Variants in FRY observed in about 807,000 individuals in gnomAD.
FRY encodes the protein FRY microtubule binding protein.
FRY carries 128 observed loss-of-function variants against 348.4 expected under a neutral mutation model. The ratio of observed to expected loss-of-function variants is 0.37; its 90% CI spans 0.32 to 0.43. FRY has a LOEUF of 0.43. FRY is among the 20% of genes least tolerant of loss of function. FRY has a pLI of 1.00. For missense variants in FRY, 2,736 were observed against 3,695.2 expected, an observed-to-expected ratio of 0.74 and a Z score of 6.73; for synonymous variants, 1,370 against 1,374.7, an observed-to-expected ratio of 1.00 and a Z score of 0.08.
At chr13:32,265,721 A>C in intron 54 of FRY, 105 bp downstream of exon 54, 1 of 1,139,136 alleles carries the variant, frequency 8.8e-7, no homozygotes. Context: ...GGACATCCTA[A>C]TAAAGGACTC....
intron 55 of FRY, among the ~76,000 whole-genome samples, chr13:32,273,075 T>A (rs1021625902): frequency 6.6e-6 from 1 of 152,082 alleles, no homozygotes; most frequent in African/African-American, 2.4e-5. Context: ...GTTTTTTGTT[T>A]TTTGTTTTTC....
Position 32,239,164 on chromosome 13 carries a change from A to T in FRY, c.6419-88A>T. 1 of 849,014 alleles carries T rather than the reference A, an allele frequency of 1.2e-6. No individual in the cohort carries two copies. The highest frequency in any genetic ancestry group is 2.0e-6 in the Non-Finnish European group (1 of 489,996). 52.6% of individuals were successfully genotyped at this position (849,014 alleles called of 1,614,324 possible). A position where few individuals can be genotyped will look rare whatever the true frequency, so the allele number is the denominator to read the frequency against. On this transcript the variant is annotated intron_variant, in intron 44 of 60. Transcript: ENST00000542859. This position sits in a 1 kb window ranked among gnomAD's most constrained non-coding sequence, Gnocchi z 4.3. ...CAAAAAACTGCTTTTGCATCACCTC[A>T]GTATAAAAATCTGTAACATGCCTTC...
At chr13:32,051,430 C>G (rs1378645834) in intron 1 of FRY, among the ~76,000 whole-genome samples, 1 of 152,136 alleles carries the variant, frequency 6.6e-6, no homozygotes, top group African/African-American at 2.4e-5. Context: ...AACAAAAAAC[C>G]CTACAGACAT....
intron 57 of FRY, among the ~76,000 whole-genome samples, chr13:32,278,070 G>A (rs1191761453): frequency 6.6e-6 from 1 of 152,196 alleles, no homozygotes; most frequent in Non-Finnish European, 1.5e-5. Context: ...AAGTAGGTGT[G>A]TCCAAGTCAG....
chr13:32,086,828 AAT>A (rs1875899819), intron 2 of FRY, among the ~76,000 whole-genome samples: 1 of 152,150 alleles, frequency 6.6e-6, no homozygotes, highest in South Asian at 2.1e-4. Flanking sequence ...AACACCCTGG[AAT>A]TCAAAAACAC....
At chr13:32,071,283 A>T (rs1324604760) in intron 1 of FRY, among the ~76,000 whole-genome samples, 1 of 152,176 alleles carries the variant, frequency 6.6e-6, no homozygotes, top group Non-Finnish European at 1.5e-5. Flanking sequence ...ATGGCATTGA[A>T]TCTATAAATT....
Position 32,255,807 on chromosome 13 carries a change from GT to G in FRY, c.7416+1415del, listed in dbSNP as rs1322685491. Among the ~76,000 whole-genome samples, 11 of 152,328 alleles carry G rather than the reference GT, an allele frequency of 7.2e-5. No homozygotes were observed. The East Asian group carries it at 2.1e-3, about 29-fold the overall frequency. On this transcript the variant is annotated intron_variant, in intron 51 of 60. Coordinates refer to ENST00000542859, the MANE Select transcript of FRY (RefSeq NM_023037.3). ...AAATGTCTCTGAGACAGAGCTCAGAGTTCAGCTAGTGTCAAAAGACCAGCTC... is the reference window on the plus strand; with the variant it reads ...AAATGTCTCTGAGACAGAGCTCAGAGTCAGCTAGTGTCAAAAGACCAGCTC...
chr13:32,067,753 C>T (rs1874354020), intron 1 of FRY, among the ~76,000 whole-genome samples: 1 of 152,170 alleles, frequency 6.6e-6, no homozygotes, highest in South Asian at 2.1e-4. Context: ...GTTCCTTCCC[C>T]AAGGTCACCT....
chr13:32,073,883 G>A (rs572705318), intron 1 of FRY, among the ~76,000 whole-genome samples: 1 of 152,284 alleles, frequency 6.6e-6, no homozygotes, highest in East Asian at 1.9e-4. Flanking sequence ...TAATAAAAAT[G>A]TAGCTGAACT....
intron 27 of FRY, 62 bp downstream of exon 27, chr13:32,186,482 T>C (rs1883036696): frequency 9.9e-7 from 1 of 1,009,050 alleles, no homozygotes. Context: ...GTTAAACTAA[T>C]AACCATGCCT....
At chr13:32,187,853 G>C (rs977012926) in intron 28 of FRY, among the ~76,000 whole-genome samples, 197 bp downstream of exon 28, 1 of 152,122 alleles carries the variant, frequency 6.6e-6, no homozygotes, top group Admixed American at 6.6e-5. Flanking sequence ...CTGACCATAA[G>C]CTGGGTCATA....
rs1437022115 is a variant in FRY, at chr13:32,261,936, C to G, written c.7617+120C>G. 3 of 933,752 alleles carry G rather than the reference C, an allele frequency of 3.2e-6. No individual in the cohort carries two copies. The East Asian group carries it at 7.8e-5, about 24-fold the overall frequency. 57.8% of individuals were successfully genotyped at this position (933,752 alleles called of 1,614,324 possible). ...CACAGCTGCTGAACTAAAATCGGAACTGTCAGGTGGTGTCATACGGGTTCT... is the reference window on the plus strand; with the variant it reads ...CACAGCTGCTGAACTAAAATCGGAAGTGTCAGGTGGTGTCATACGGGTTCT... On this transcript the variant is annotated intron_variant, in intron 52 of 60. Coordinates refer to ENST00000542859, the MANE Select transcript of FRY (RefSeq NM_023037.3).
At position 32,161,209 on chromosome 13, in the gene FRY, C is replaced by A; in HGVS notation, c.1850C>A (p.Pro617His). 1 of 1,613,086 alleles carries A rather than the reference C, an allele frequency of 6.2e-7. No homozygotes were observed. Among genetic ancestry groups the A allele is most frequent in the East Asian group, 2.2e-5 (1 of 44,850 alleles). Residue 617 changes from proline to histidine, a missense_variant, in exon 17 of 61, where the codon CCT becomes CAT. Pro to His is a moderately conservative substitution (Grantham distance 77, BLOSUM62 -2). Around this residue, in one of 9 missense-constraint regions of FRY, gnomAD observed 191 missense variants for 370.2 expected, o/e 0.52. Coordinates refer to ENST00000542859, the MANE Select transcript of FRY (RefSeq NM_023037.3). ...TCVAAIPRLL[P>H]DGMSKLELID... ...GTTGCTGCTATTCCTCGACTGCTTC[C>A]TGATGGGATGTCAAAACTTGAACTT...
At chr13:32,127,639 A>C (rs954190988) in intron 7 of FRY, among the ~76,000 whole-genome samples, 23 of 152,068 alleles carry the variant, frequency 1.5e-4, no homozygotes, top group African/African-American at 2.4e-4. Flanking sequence ...ATTAGCTGGG[A>C]GTGGTGGCAC....
intron 1 of FRY, among the ~76,000 whole-genome samples, chr13:32,057,945 G>A (rs1873731859): frequency 6.9e-6 from 1 of 144,910 alleles, no homozygotes; most frequent in South Asian, 2.3e-4. Context: ...GGGCAACAGA[G>A]CGAGACTCCG....
rs763021446 is a variant in FRY, at chr13:32,158,454, G to A, written c.1784+1049G>A. 2.0e-5 allele frequency among the ~76,000 whole-genome samples: 3 copies of A among 152,084 alleles called. No homozygotes were observed. The East Asian group carries it at 5.8e-4, about 29-fold the overall frequency. On this transcript the variant is annotated intron_variant, in intron 16 of 60. Transcript: ENST00000542859. The stretch of plus-strand genomic sequence containing the variant: ...TGATGTTGCTTTAGACTTTTCAACC[G>A]AAATAATAGCAGAATTTATATTGAC...
intron 18 of FRY, among the ~76,000 whole-genome samples, chr13:32,172,238 G>A (rs1269561307): frequency 6.6e-6 from 1 of 152,074 alleles, no homozygotes; most frequent in African/African-American, 2.4e-5. Context: ...TAGGGATGTG[G>A]ATAGGGTTGT....
At chr13:32,127,041 G>A (rs1195867565) in intron 7 of FRY, among the ~76,000 whole-genome samples, 1 of 152,010 alleles carries the variant, frequency 6.6e-6, no homozygotes, top group Admixed American at 6.5e-5. Flanking sequence ...TTGTCATTTA[G>A]GGAAAAGAAT....
intron 1 of FRY, among the ~76,000 whole-genome samples, chr13:32,049,370 A>G (rs893334052): frequency 1.1e-4 from 17 of 152,240 alleles, no homozygotes; most frequent in Non-Finnish European, 1.8e-4. Flanking sequence ...GTCAGATGAC[A>G]GGGAGCATGG....
Sources: gnomAD v4.1 joint callset for allele counts (sites outside exome capture counted in the v4.1 genomes callset) on GRCh38, gnomAD v4.1.1 for gene constraint, gnomAD v4.1.1 regional missense constraint, Gnocchi (gnomAD v3.1) non-coding constraint, MANE v1.5 for transcripts, NCBI Gene and HGNC (gene_info 2026-07-23, HGNC 2026-07-21) for gene names.